The following DLG1 variants were observed in gnomAD, a reference collection of about 807,000 sequenced individuals.
DLG1 encodes the protein disks large homolog 1.
In DLG1, 42 loss-of-function variants were observed where a neutral mutation model predicts 123.4. The observed-to-expected ratio is 0.34, with a 90% CI of 0.27 to 0.44. The LOEUF (loss-of-function observed/expected upper bound fraction) is 0.44, where lower values mean the gene tolerates loss of function less well. Among genes scored for constraint, DLG1 ranks in the 20% least tolerant of loss-of-function variants. DLG1 has a pLI of 1.00. For synonymous variants in DLG1, 317 were observed against 356.2 expected, an observed-to-expected ratio of 0.89 and a Z score of 1.24; for missense variants, 942 against 1,082.6, an observed-to-expected ratio of 0.87 and a Z score of 1.82.
At chr3:197,273,101 T>A (rs1764609821) in intron 4 of DLG1, among the ~76,000 whole-genome samples, 1 of 152,132 alleles carries the variant, frequency 6.6e-6, no homozygotes, top group Non-Finnish European at 1.5e-5. Context: ...TATTTGTGTA[T>A]CTTTATGTAA....
intron 4 of DLG1, among the ~76,000 whole-genome samples, chr3:197,199,156 A>G (rs890252914): frequency 5.3e-5 from 8 of 152,196 alleles, no homozygotes; most frequent in Non-Finnish European, 8.8e-5. Context: ...TGAAATTGAC[A>G]TATCTCTAGC....
At chr3:197,158,634 C>CCAAAA in intron 5 of DLG1, among the ~76,000 whole-genome samples, 1 of 67,490 alleles carries the variant, frequency 1.5e-5, no homozygotes, top group South Asian at 4.7e-4. Flanking sequence ...AACTCCATTT[C>CCAAAA]AAAAAAAAAA....
At chr3:197,118,973 C>T (rs1774823522) in intron 12 of DLG1, among the ~76,000 whole-genome samples, 2 of 152,120 alleles carry the variant, frequency 1.3e-5, no homozygotes, top group African/African-American at 4.8e-5. Context: ...CACTGCACTC[C>T]AGCCTGGGCA....
At chr3:197,180,486 G>C (rs1472872228) in intron 5 of DLG1, among the ~76,000 whole-genome samples, 1 of 152,018 alleles carries the variant, frequency 6.6e-6, no homozygotes, top group Non-Finnish European at 1.5e-5. Flanking sequence ...TGAAATTAAG[G>C]ACAAAAACAC....
intron 3 of DLG1, among the ~76,000 whole-genome samples, chr3:197,285,068 A>G (rs2151178118): frequency 6.6e-6 from 1 of 151,902 alleles, no homozygotes; most frequent in Non-Finnish European, 1.5e-5. Flanking sequence ...CCAAGATCAC[A>G]CATTTCAGAA....
chr3:197,140,258 A>C lies in DLG1; in HGVS notation c.595T>G (p.Ser199Ala). Residue 199 changes from serine (S) to alanine (A), a missense_variant, in exon 8 of 25, where the codon TCA becomes GCA. Physicochemically the swap from Ser to Ala is moderately conservative, Grantham distance 99 (BLOSUM62 1). Coordinates refer to ENST00000667157, the MANE Select transcript of DLG1 (RefSeq NM_001366207.1). ...CCTGCAATGCTGAAACCAAGCCCTG[A>C]ATTTCCCTGAGGATAGAAGAAAAAA... ...YEEITLERGN[S>A]GLGFSIAGGT... 1 of 1,613,128 alleles carries C rather than the reference A, an allele frequency of 6.2e-7. No homozygotes were observed. The highest frequency in any genetic ancestry group is 1.1e-5 in the South Asian group (1 of 90,894).
chr3:197,081,594 A>T (rs1343284924), intron 16 of DLG1, among the ~76,000 whole-genome samples: 3 of 152,200 alleles, frequency 2.0e-5, no homozygotes, highest in African/African-American at 7.2e-5. Context: ...TAGCTCTGAA[A>T]CTTTTAACAA....
chr3:197,127,873 A>C (rs182933453), intron 11 of DLG1, among the ~76,000 whole-genome samples: 179 of 151,330 alleles, frequency 1.2e-3, no homozygotes, highest in African/African-American at 4.2e-3. Flanking sequence ...ATTATGTCTA[A>C]AAATACAATG....
chr3:197,248,385 C>T (rs936183669), intron 4 of DLG1, among the ~76,000 whole-genome samples: 5 of 152,122 alleles, frequency 3.3e-5, no homozygotes, highest in Non-Finnish European at 7.4e-5. Flanking sequence ...GAGGCCACCA[C>T]AATGAGGCAG....
At chr3:197,090,683 A>G (rs899125553) in intron 15 of DLG1, among the ~76,000 whole-genome samples, 1 of 152,104 alleles carries the variant, frequency 6.6e-6, no homozygotes, top group East Asian at 1.9e-4. Context: ...TTCCTTTATT[A>G]TATCATCATT....
intron 4 of DLG1, among the ~76,000 whole-genome samples, chr3:197,271,995 G>A (rs947735186): frequency 2.0e-5 from 3 of 152,116 alleles, no homozygotes; most frequent in African/African-American, 7.2e-5. Context: ...TTTAGTTTAT[G>A]GGAGTTTTAT....
chr3:197,276,918 G>T (rs1032424377), intron 4 of DLG1, among the ~76,000 whole-genome samples: 6 of 151,698 alleles, frequency 4.0e-5, no homozygotes, highest in African/African-American at 1.5e-4. Flanking sequence ...TGGAGACAGG[G>T]TCTCGCTCTG....
In DLG1 at chr3:197,254,030, T is replaced by C. The variant is rs184958971; in HGVS notation, c.318+28649A>G. ...CAGACACTTACCTAAACAGTGTATC[T>C]GACAAGCCTAGACTCAGGTGGGCAA... On this transcript the variant is annotated intron_variant, in intron 4 of 24. Transcript: ENST00000667157. Among the ~76,000 whole-genome samples, 163 of 152,224 alleles carry C rather than the reference T, an allele frequency of 1.1e-3. 2 individuals are homozygous for C. The East Asian group carries it at 0.013, about 12-fold the overall frequency.
intron 4 of DLG1, among the ~76,000 whole-genome samples, chr3:197,203,478 ACAT>A (rs1346787238): frequency 1.3e-5 from 2 of 152,258 alleles, no homozygotes; most frequent in South Asian, 4.2e-4. Flanking sequence ...AATCCAGTAC[ACAT>A]CATCAATTAT....
rs141229242 is a variant in DLG1 at position 197,094,330 on chromosome 3, G to A, written c.1547-3304C>T. On this transcript the variant is annotated intron_variant, in intron 14 of 24. Transcript: ENST00000667157. ...ATCTCATGAAGCAACAGTAACTGGA[G>A]CACAGTCTCACTATATGGTTTGTTC... is the stretch of plus-strand genomic sequence containing the variant. Among the ~76,000 whole-genome samples the A allele has an allele frequency of 2.1e-3, 320 of 152,232 alleles. 3 individuals carry two copies. Among genetic ancestry groups the A allele is most frequent in the African/African-American group, 7.5e-3 (310 of 41,526 alleles).
At chr3:197,139,884 A>G (rs1787127267) in intron 8 of DLG1, among the ~76,000 whole-genome samples, 1 of 152,266 alleles carries the variant, frequency 6.6e-6, no homozygotes, top group Non-Finnish European at 1.5e-5. Context: ...ATATGCTCAC[A>G]AAGATTTAAA....
intron 23 of DLG1, among the ~76,000 whole-genome samples, chr3:197,058,872 C>CA (rs1300756452): frequency 1.3e-5 from 2 of 152,184 alleles, no homozygotes; most frequent in African/African-American, 4.8e-5. Context: ...GAAGTGCAAA[C>CA]AAATGTACGA....
chr3:197,271,786 C>T (rs147137684), intron 4 of DLG1, among the ~76,000 whole-genome samples: 2 of 152,206 alleles, frequency 1.3e-5, no homozygotes, highest in East Asian at 1.9e-4. Flanking sequence ...TTACGAGATG[C>T]GTGCTGAAGT....
At chr3:197,198,091 G>A (rs532168114) in intron 4 of DLG1, among the ~76,000 whole-genome samples, 7 of 151,970 alleles carry the variant, frequency 4.6e-5, no homozygotes, top group African/African-American at 1.7e-4. Flanking sequence ...AAAAGCATCA[G>A]CAACCAAAGA....
Sources: allele counts gnomAD v4.1 joint callset (sites outside exome capture counted in the v4.1 genomes callset), GRCh38; gene constraint gnomAD v4.1.1; transcripts MANE v1.5; gene names NCBI Gene and HGNC (gene_info 2026-07-23, HGNC 2026-07-21).